Variants in MYH15 observed in about 807,000 individuals in gnomAD.
MYH15 encodes myosin heavy chain 15.
A neutral mutation model predicts 240.5 loss-of-function variants in MYH15; 227 were observed. That is an observed-to-expected ratio of 0.94 (90% CI 0.85 to 1.05). The LOEUF is 1.05. MYH15 is among the 50% of genes least tolerant of loss of function. The pLI is 0.00. For synonymous variants in MYH15, 785 were observed against 796.7 expected (o/e 0.99, Z 0.25); for missense variants, 2,217 against 2,247.5 (o/e 0.99, Z 0.27).
At chr3:108,460,224 G>A (rs2083059141) in intron 17 of MYH15, 76 bp downstream of exon 17, 8 of 1,244,920 alleles carry the variant, frequency 6.4e-6, no homozygotes, top group South Asian at 1.5e-5. Context: ...ATTTGAAGAT[G>A]TGAAATGTCA....
In MYH15 at chr3:108,399,263, T is replaced by G; in HGVS notation, c.4741A>C (p.Lys1581Gln). 1 of 1,606,774 alleles carries G rather than the reference T, an allele frequency of 6.2e-7. No individual in the cohort carries two copies. ...KDEEIENFRR[K>Q]QQCTIDSLQS... is the part of the protein sequence containing the mutation. ...AGGGAGTCAATGGTACACTGCTGCT[T>G]CCTCCTAATTTGAAATAACATTTGG... Residue 1581 changes from lysine (K) to glutamine (Q), a missense_variant, in exon 34 of 41, where the codon AAG (lysine) becomes CAG (glutamine). Transcript: ENST00000693548.
Position 108,503,273 on chromosome 3 carries a change from C to CA in MYH15, c.196-1419dup, listed in dbSNP as rs2083451835. Among the ~76,000 whole-genome samples, 5 of 152,234 alleles carry CA rather than the reference C, an allele frequency of 3.3e-5. No individual in the cohort carries two copies. The South Asian group carries it at 1.0e-3, about 32-fold the overall frequency. ...ATCACCTTAAGTGCTGTTGAAGGGACAGTAGTTTGTTTTGGAGAATGTGCT... is the reference window on the plus strand; with the variant it reads ...ATCACCTTAAGTGCTGTTGAAGGGACAAGTAGTTTGTTTTGGAGAATGTGCT... On this transcript the variant is annotated intron_variant, in intron 2 of 40. Coordinates refer to ENST00000693548, the MANE Select transcript of MYH15 (RefSeq NM_014981.3).
chr3:108,468,042 T>G (rs2083135941), intron 14 of MYH15, among the ~76,000 whole-genome samples: 1 of 151,986 alleles, frequency 6.6e-6, no homozygotes, highest in Non-Finnish European at 1.5e-5. Flanking sequence ...CTCAGCTCAC[T>G]ACAACCTCCA....
chr3:108,444,924 A>G (rs747132362), intron 21 of MYH15, 29 bp from the exon 22 acceptor site: 1 of 1,581,814 alleles, frequency 6.3e-7, no homozygotes, highest in South Asian at 1.2e-5. Flanking sequence ...AAGAAAAGCA[A>G]GTTAGCCCTG....
chr3:108,455,875 G>A lies in MYH15; in HGVS notation c.2139-16C>T. On this transcript the variant is annotated splice_polypyrimidine_tract_variant and intron_variant, in intron 19 of 40. Transcript: ENST00000693548. ...AATGCAGTACCTAATTTAAAATAAA[G>A]AAAAAATCATGAGTTTGGGAAATCA... 1 of 1,603,610 alleles carries A rather than the reference G, an allele frequency of 6.2e-7. No individual in the cohort carries two copies.
the MYH15 span, among the ~76,000 whole-genome samples, chr3:108,536,139 C>T: frequency 2.0e-5 from 3 of 152,126 alleles, no homozygotes; most frequent in African/African-American, 7.2e-5. Context: ...GTGGCACATG[C>T]CTGTCATCCC....
chr3:108,532,628 C>T (rs986954791), upstream of MYH15, among the ~76,000 whole-genome samples: 2 of 152,200 alleles, frequency 1.3e-5, no homozygotes, highest in African/African-American at 4.8e-5. Context: ...CACTCTTGCT[C>T]TCTCTGTACA....
chr3:108,545,165 T>C, the MYH15 span, among the ~76,000 whole-genome samples: 1 of 152,142 alleles, frequency 6.6e-6, no homozygotes, highest in Non-Finnish European at 1.5e-5. Context: ...TGCTTATAAT[T>C]GATATCTAAT....
intron 14 of MYH15, among the ~76,000 whole-genome samples, chr3:108,467,425 T>A (rs563929795): frequency 6.6e-6 from 1 of 152,126 alleles, no homozygotes; most frequent in African/African-American, 2.4e-5. Context: ...TTCTTTGGGA[T>A]ACCTGATACT....
At chr3:108,534,099 T>C (rs1255360125), upstream of MYH15, among the ~76,000 whole-genome samples, 2 of 152,222 alleles carry the variant, frequency 1.3e-5, no homozygotes, top group Non-Finnish European at 1.5e-5. Context: ...TTGTCATTAA[T>C]CTAAGGAGTC....
At chr3:108,400,050 T>A (rs531083325) in intron 33 of MYH15, among the ~76,000 whole-genome samples, 36 of 152,308 alleles carry the variant, frequency 2.4e-4, no homozygotes, top group African/African-American at 8.4e-4. Context: ...TTCTGGTAAA[T>A]GCACTGTGGA....
At chr3:108,528,302 C>A (rs943780598) in intron 1 of MYH15, among the ~76,000 whole-genome samples, 4 of 151,934 alleles carry the variant, frequency 2.6e-5, no homozygotes, top group Admixed American at 6.6e-5. Flanking sequence ...ATATTGGGGG[C>A]ATATATAAGT....
At chr3:108,490,973 C>T (rs1288699005) in intron 9 of MYH15, among the ~76,000 whole-genome samples, 3 of 152,030 alleles carry the variant, frequency 2.0e-5, no homozygotes, top group African/African-American at 4.8e-5. Context: ...CTGCAACCTC[C>T]GCCTCCTGGG....
chr3:108,507,149 T>C (rs562794728), intron 1 of MYH15, among the ~76,000 whole-genome samples: 52 of 150,596 alleles, frequency 3.5e-4, no homozygotes, highest in African/African-American at 1.1e-3. Context: ...GCTCATTTTC[T>C]TTTAAAAGCA....
intron 31 of MYH15, among the ~76,000 whole-genome samples, chr3:108,409,107 G>A (rs755620269): frequency 7.2e-5 from 11 of 152,216 alleles, no homozygotes; most frequent in Non-Finnish European, 1.2e-4. Context: ...AGAGGTGGTG[G>A]AAGGAGCTCA....
At chr3:108,493,920 A>G (rs1364604659) in intron 7 of MYH15, among the ~76,000 whole-genome samples, 1 of 152,260 alleles carries the variant, frequency 6.6e-6, no homozygotes, top group African/African-American at 2.4e-5. Flanking sequence ...GGCATAAATA[A>G]TAGACGGGCA....
At position 108,445,988 on chromosome 3, in the gene MYH15, A is replaced by C. The variant is rs1373700059; in HGVS notation, c.2400-1093T>G. ...AAAGAATAAACCCCCACAGCTCCAG[A>C]CTCCAGGATGACCCTTACAACCTCA... On this transcript the variant is annotated intron_variant, in intron 21 of 40. Coordinates refer to ENST00000693548, the MANE Select transcript of MYH15 (RefSeq NM_014981.3). Among the ~76,000 whole-genome samples, 3 of 152,114 alleles carry C rather than the reference A, an allele frequency of 2.0e-5. No homozygotes were observed. The East Asian group carries it at 5.8e-4, about 29-fold the overall frequency.
At position 108,483,423 on chromosome 3, in the gene MYH15, AAAAAACC is replaced by A. The variant is rs1468061853; in HGVS notation, c.1114+1661_1114+1667del. ...CCATGAAGATGGCTACTATAAAAAA[AAAAAACC>A]AAAAAACAGAAAACAACAAATGTTG... On this transcript the variant is annotated intron_variant, in intron 11 of 40. Transcript: ENST00000693548. Among the ~76,000 whole-genome samples the A allele has an allele frequency of 2.0e-5, 3 of 152,098 alleles. No homozygotes were observed. The East Asian group carries it at 5.8e-4, about 29-fold the overall frequency.
At chr3:108,505,487 C>T (rs1404205192) in intron 2 of MYH15, among the ~76,000 whole-genome samples, 1 of 152,090 alleles carries the variant, frequency 6.6e-6, no homozygotes, top group Non-Finnish European at 1.5e-5. Flanking sequence ...CCAGGCTGCT[C>T]TCAAACTCCT....
Sources: allele counts gnomAD v4.1 joint callset (sites outside exome capture counted in the v4.1 genomes callset), GRCh38; gene constraint gnomAD v4.1.1; transcripts MANE v1.5; gene names NCBI Gene and HGNC (gene_info 2026-07-23, HGNC 2026-07-21).